The following POLG variants were observed in gnomAD, a reference collection of about 807,000 sequenced individuals.
POLG encodes the protein DNA polymerase subunit gamma-1.
A neutral mutation model predicts 155.4 loss-of-function variants in POLG; 110 were observed. The observed-to-expected ratio is 0.71, with a 90% CI of 0.61 to 0.83. The LOEUF is 0.83. Ranked by LOEUF, POLG falls within the 40% of genes least tolerant of loss-of-function variation. The probability of loss-of-function intolerance (pLI) is 0.00; values close to 1 mark genes in which losing one functional copy is unlikely to be tolerated. For missense variants in POLG, 1,685 were observed against 1,627.5 expected (o/e 1.04, Z -0.61); for synonymous variants, 701 against 631.5 (o/e 1.11, Z -1.65).
Position 89,333,534 on chromosome 15 carries a change from A to C in POLG, c.221T>G (p.Leu74Trp). The C allele has an allele frequency of 6.2e-7, 1 of 1,612,820 alleles. No individual in the cohort carries two copies. The highest frequency in any genetic ancestry group is 8.5e-7 in the Non-Finnish European group (1 of 1,179,692). The change falls in exon 2 of 23, where the codon TTG (leucine) becomes TGG (tryptophan). Residue 74 changes from leucine (L) to tryptophan (W), a missense_variant. Physicochemically the swap from Leu to Trp is moderately conservative, Grantham distance 61 (BLOSUM62 -2). Transcript: ENST00000268124. ...SEGGQLRHNPLDIQMLSRGLH... is the reference protein window; with the variant it reads ...SEGGQLRHNPWDIQMLSRGLH... ...CCCTCTCGAGAGCATCTGGATGTCC[A>C]ATGGGTTGTGCCGCAGCTGCCCGCC...
rs2074883 is a variant in POLG at position 89,321,063 on chromosome 15, T to C, written c.2735-51A>G. On this transcript the variant is annotated intron_variant, in intron 17 of 22. Coordinates refer to ENST00000268124, the MANE Select transcript of POLG (RefSeq NM_002693.3). ...AGCAGCTCAGGAACATTCTGCCCAA[T>C]GTTCATCAGAACTGTCAATATGCTG... 2.9e-3 allele frequency: 4,684 copies of C among 1,604,374 alleles called. 93 individuals carry two copies. The East Asian group carries it at 0.058, about 20-fold the overall frequency.
chr15:89,330,134 C>G lies in POLG; in HGVS notation c.802G>C (p.Gly268Arg). ...GCTCGGTCAAAGGAAACATTGTGCC[C>G]CACCACTAACTGCTCCTGCCAGTCT... ...QRDWQEQLVV[G>R]HNVSFDRAHI... Residue 268 changes from glycine to arginine, a missense_variant, in exon 3 of 23, where the codon GGG becomes CGG. Transcript: ENST00000268124. The G allele has an allele frequency of 6.2e-7, 1 of 1,614,046 alleles. No individual in the cohort carries two copies. The highest frequency in any genetic ancestry group is 8.5e-7 in the Non-Finnish European group (1 of 1,180,024).
chr15:89,316,367 C>T lies in POLG; in HGVS notation c.*384G>A, dbSNP rs771059114. On this transcript the variant is annotated 3_prime_UTR_variant, in exon 23 of 23. Coordinates refer to ENST00000268124, the MANE Select transcript of POLG (RefSeq NM_002693.3). The stretch of plus-strand genomic sequence containing the variant: ...CCACTGCCTTGGAGCAGGTTTATCA[C>T]GTTAGAGCATTAATTCTTTCCCCTT... 24 of 1,597,954 alleles carry T rather than the reference C, an allele frequency of 1.5e-5. No homozygotes were observed. The highest frequency in any genetic ancestry group is 6.8e-5 in the Admixed American group (4 of 58,700).
chr15:89,318,438 G>A (rs2055338536), intron 21 of POLG, 103 bp downstream of exon 21: 5 of 872,702 alleles, frequency 5.7e-6, no homozygotes, highest in Admixed American at 1.9e-5. Flanking sequence ...TTCACTTCTA[G>A]GGGGATGAAA....
chr15:89,330,287 T>A lies in POLG; in HGVS notation c.660-11A>T. ...CTGCACCAGGAATACCTGAGGGAGG[T>A]GAGAGGCAGGCAGGTTCACCATGGA... On this transcript the variant is annotated splice_polypyrimidine_tract_variant and intron_variant, in intron 2 of 22. Transcript: ENST00000268124. 6.2e-7 allele frequency: 1 copy of A among 1,605,716 alleles called. No homozygotes were observed. The highest frequency in any genetic ancestry group is 8.5e-7 in the Non-Finnish European group (1 of 1,177,940).
At chr15:89,323,928 T>A in intron 11 of POLG, 27 bp from the exon 12 acceptor site, 1 of 1,582,314 alleles carries the variant, frequency 6.3e-7, no homozygotes, top group Non-Finnish European at 8.7e-7. Context: ...ACCAAAGTAG[T>A]GAAGCAGGGG....
At chr15:89,326,510 A>G in intron 9 of POLG, 102 bp downstream of exon 9, 1 of 1,282,912 alleles carries the variant, frequency 7.8e-7, no homozygotes, top group South Asian at 1.2e-5. Context: ...CAATAAGTAT[A>G]CATGTGCATG....
rs1310937604 is a variant in POLG at position 89,325,234 on chromosome 15, G to A, written c.1949+216C>T. On this transcript the variant is annotated intron_variant, in intron 10 of 22. Coordinates refer to ENST00000268124, the MANE Select transcript of POLG (RefSeq NM_002693.3). ...AGTGAGTGAGTGAGAGAGTGAGTGA[G>A]AGAGTGAGTGAGTGAGAGAGAGAGT... 4.9e-5 allele frequency among the ~76,000 whole-genome samples: 5 copies of A among 101,174 alleles called. 1 individual carries two copies. Among genetic ancestry groups the A allele is most frequent in the African/African-American group, 2.9e-4 (5 of 17,312 alleles). The allele number at this position is 101,174 out of a possible 152,430, so 66.4% of individuals were successfully genotyped here.
At position 89,319,265 on chromosome 15, in the gene POLG, G is replaced by A. The variant is rs1567185770; in HGVS notation, c.3067C>T (p.Gln1023Ter). The change falls in exon 19 of 23, where the codon CAG becomes TAG. Residue 1023 changes from glutamine to a stop codon, truncating the protein, a stop_gained. Coordinates refer to ENST00000268124, the MANE Select transcript of POLG (RefSeq NM_002693.3). LOFTEE classifies it high-confidence loss of function. Reference protein sequence around the residue: ...DRTEGGWISLQDLRKVQRETA... With the variant: ...DRTEGGWISL ...TCTCTCTGGACCTTGCGCAGATCCT[G>A]CAGGGAAATCCAGCCACCCTCAGTC... 6.2e-7 allele frequency: 1 copy of A among 1,614,180 alleles called. No homozygotes were observed. The highest frequency in any genetic ancestry group is 1.1e-5 in the South Asian group (1 of 91,088).
intron 6 of POLG, among the ~76,000 whole-genome samples, chr15:89,328,227 C>T (rs1171526874): frequency 1.3e-5 from 2 of 152,160 alleles, no homozygotes; most frequent in Admixed American, 6.5e-5. Flanking sequence ...AAACCAGGAC[C>T]GTGCACATGA....
In POLG at chr15:89,316,402, T is replaced by G; in HGVS notation, c.*349A>C. On this transcript the variant is annotated 3_prime_UTR_variant, in exon 23 of 23. Coordinates refer to ENST00000268124, the MANE Select transcript of POLG (RefSeq NM_002693.3). ...TTAATTCTTTCCCCTTCTAGGGCAC[T>G]GCATCAGAGCATGGGGGACAGAACA... 1 of 1,611,786 alleles carries G rather than the reference T, an allele frequency of 6.2e-7. No homozygotes were observed. The highest frequency in any genetic ancestry group is 1.1e-5 in the South Asian group (1 of 90,670).
chr15:89,330,538 C>T (rs2055580815), intron 2 of POLG, among the ~76,000 whole-genome samples: 1 of 152,158 alleles, frequency 6.6e-6, no homozygotes, highest in South Asian at 2.1e-4. Context: ...GACCTACGTG[C>T]AGGTATTCTA....
chr15:89,329,315 C>G (rs2055565310), intron 3 of POLG, among the ~76,000 whole-genome samples: 1 of 152,242 alleles, frequency 6.6e-6, no homozygotes, highest in South Asian at 2.1e-4. Flanking sequence ...CCTGCCTTCC[C>G]AAATCCTAGC....
At chr15:89,318,450 G>T in intron 21 of POLG, 91 bp downstream of exon 21, 1 of 1,052,394 alleles carries the variant, frequency 9.5e-7, no homozygotes, top group Non-Finnish European at 1.5e-6. Flanking sequence ...GGGATGAAAA[G>T]TCAAAACTGA....
intron 10 of POLG, 75 bp downstream of exon 10, chr15:89,325,375 A>T: frequency 9.6e-7 from 1 of 1,038,118 alleles, no homozygotes; most frequent in Non-Finnish European, 1.5e-6. Context: ...AACTCTTTCC[A>T]CTAGCCTGAG....
At chr15:89,324,260 G>C in intron 10 of POLG, 33 bp from the exon 11 acceptor site, 1 of 1,608,258 alleles carries the variant, frequency 6.2e-7, no homozygotes, top group Admixed American at 1.7e-5. Flanking sequence ...AGCAGCCGCT[G>C]ATTACCAGAT....
Position 89,328,771 on chromosome 15 carries a change from G to C in POLG, c.1084C>G (p.Leu362Val), listed in dbSNP as rs763248358. ...SVNSLAEVHR[L>V]YVGGPPLEKE... ...TCTAAGGGAGGCCCCCCTACATAAA[G>C]TCTGTGCACCTCTGCCAGACTGTTG... Residue 362 changes from leucine to valine, a missense_variant, in exon 5 of 23, where the codon CTT (leucine) becomes GTT (valine). Around this residue, in one of 3 missense-constraint regions of POLG, gnomAD observed 1,210 missense variants for 1,167.1 expected, o/e 1.04. Transcript: ENST00000268124. 5.0e-6 allele frequency: 8 copies of C among 1,614,002 alleles called. No homozygotes were observed. Among genetic ancestry groups the C allele is most frequent in the Non-Finnish European group, 6.8e-6 (8 of 1,180,020 alleles).
rs2055438289 is a variant in POLG, at chr15:89,324,140, G to A, written c.2037C>T (p.Phe679=). The change falls in exon 11 of 23, where the codon TTC becomes TTT. Residue 679 remains phenylalanine (F), a synonymous_variant. Transcript: ENST00000268124. ...MPQEAGLAEE[F]LLTDNSAIWQ... is the part of the protein sequence containing the mutation. The stretch of plus-strand genomic sequence containing the variant: ...ATATGGCACTATTGTCAGTGAGCAG[G>A]AACTCCTCCGCCAGGCCGGCCTCCT... 6.2e-7 allele frequency: 1 copy of A among 1,613,940 alleles called. No homozygotes were observed. Among genetic ancestry groups the A allele is most frequent in the Admixed American group, 1.7e-5 (1 of 60,018 alleles).
chr15:89,317,347 G>A (rs2055305570), intron 22 of POLG, 29 bp downstream of exon 22: 1 of 1,610,502 alleles, frequency 6.2e-7, no homozygotes, highest in African/African-American at 1.3e-5. Context: ...GATCCTATGT[G>A]TAATGAGGAA....
Sources: allele counts gnomAD v4.1 joint callset (sites outside exome capture counted in the v4.1 genomes callset), GRCh38; gene constraint gnomAD v4.1.1; regional missense constraint gnomAD v4.1.1; transcripts MANE v1.5; gene names NCBI Gene and HGNC (gene_info 2026-07-23, HGNC 2026-07-21).